PHLDB2: variants seen among roughly 807,000 people sequenced by gnomAD.
PHLDB2 encodes pleckstrin homology like domain family B member 2.
A neutral mutation model predicts 123.6 loss-of-function variants in PHLDB2; 71 were observed. That is an observed-to-expected ratio of 0.57 (90% CI 0.47 to 0.70). The LOEUF is 0.70. Ranked by LOEUF, PHLDB2 falls within the 30% of genes least tolerant of loss-of-function variation. PHLDB2 has a pLI of 0.00. For synonymous variants in PHLDB2, 547 were observed against 541.6 expected (o/e 1.01, Z -0.14); for missense variants, 1,446 against 1,519.5 (o/e 0.95, Z 0.80).
intron 1 of PHLDB2, among the ~76,000 whole-genome samples, chr3:111,860,246 C>CT (rs1217094540): frequency 6.4e-4 from 97 of 151,882 alleles, no homozygotes; most frequent in African/African-American, 2.3e-3. Context: ...TCAGAGAAGA[C>CT]TCCCTCCCCG....
chr3:111,882,963 T>A (rs1500046), intron 1 of PHLDB2, among the ~76,000 whole-genome samples: 69,462 of 151,964 alleles, frequency 0.46, 16,762 homozygotes, highest in East Asian at 0.68. Flanking sequence ...ACAACCACAT[T>A]ATGAAACCAT....
intron 5 of PHLDB2, among the ~76,000 whole-genome samples, chr3:111,926,186 T>A (rs1370469460): frequency 6.6e-6 from 1 of 152,268 alleles, no homozygotes; most frequent in Non-Finnish European, 1.5e-5. Context: ...TGTACCTGAA[T>A]GAAATCTTAA....
At position 111,966,603 on chromosome 3, in the gene PHLDB2, T is replaced by C; in HGVS notation, c.3078-10T>C. On this transcript the variant is annotated splice_polypyrimidine_tract_variant and intron_variant, in intron 13 of 17. Transcript: ENST00000431670. ...CCAATATTCTCAAAAGGCTTTGGTGTTTCATTCAGTGCCAGCACTTCAAAT... is the reference window on the plus strand; with the variant it reads ...CCAATATTCTCAAAAGGCTTTGGTGCTTCATTCAGTGCCAGCACTTCAAAT... The C allele has an allele frequency of 6.2e-7, 1 of 1,607,168 alleles. No individual in the cohort carries two copies. Among genetic ancestry groups the C allele is most frequent in the Non-Finnish European group, 8.5e-7 (1 of 1,175,352 alleles).
intron 2 of PHLDB2, among the ~76,000 whole-genome samples, chr3:111,848,795 A>T (rs1022793395): frequency 6.6e-6 from 1 of 152,206 alleles, no homozygotes; most frequent in African/African-American, 2.4e-5. Context: ...CTGTGTTGAG[A>T]TGTTTAGATA....
At chr3:111,836,254 G>T (rs73855643) in intron 1 of PHLDB2, among the ~76,000 whole-genome samples, 7 of 152,286 alleles carry the variant, frequency 4.6e-5, no homozygotes, top group African/African-American at 1.7e-4. Context: ...TGAGCCAAAC[G>T]GAAGTCAGGA....
intron 16 of PHLDB2, among the ~76,000 whole-genome samples, chr3:111,970,512 A>G (rs955443644): frequency 4.6e-5 from 7 of 152,358 alleles, no homozygotes; most frequent in Admixed American, 3.9e-4. Context: ...CACAGAGAGT[A>G]AAGCTCATTG....
rs546726126 is a variant in PHLDB2, at chr3:111,814,684, A to G, written c.-48-31137A>G. Among the ~76,000 whole-genome samples, 271 of 151,928 alleles carry G rather than the reference A, an allele frequency of 1.8e-3. 1 individual carries two copies. Among genetic ancestry groups the G allele is most frequent in the Non-Finnish European group, 2.9e-3 (195 of 67,958 alleles). ...TTGGCTTATGATTCTAGTGGCTGGA[A>G]AATTTGAGACTGGGCATTTGCATCT... is the stretch of plus-strand genomic sequence containing the variant. On this transcript the variant is annotated intron_variant, in intron 1 of 17. Coordinates refer to the PHLDB2 transcript ENST00000393923.
At chr3:111,905,398 A>G (rs968732942) in intron 2 of PHLDB2, among the ~76,000 whole-genome samples, 17 of 152,106 alleles carry the variant, frequency 1.1e-4, no homozygotes, top group Non-Finnish European at 1.9e-4. Context: ...TCATTGTCAC[A>G]CAGGCTGGAG....
At chr3:111,943,748 G>A (rs927090357) in intron 8 of PHLDB2, among the ~76,000 whole-genome samples, 1 of 152,116 alleles carries the variant, frequency 6.6e-6, no homozygotes, top group African/African-American at 2.4e-5. Context: ...ATGTTGACAA[G>A]AATATGAAGC....
At position 111,885,364 on chromosome 3, in the gene PHLDB2, C is replaced by T. The variant is rs1235602858; in HGVS notation, c.1287C>T (p.His429=). 6.2e-7 allele frequency: 1 copy of T among 1,614,148 alleles called. No individual in the cohort carries two copies. The highest frequency in any genetic ancestry group is 1.7e-5 in the Admixed American group (1 of 60,022). The change falls in exon 2 of 18, where the codon CAC becomes CAT. Residue 429 remains histidine (H), a synonymous_variant. Transcript: ENST00000431670. ...ISGRDDLMDY[H]RRQREERLRE... is the part of the protein sequence containing the mutation. ...GACGTGATGACCTGATGGATTATCA[C>T]CGGCGGCAGAGGGAGGAAAGACTCA...
chr3:111,959,514 A>G (rs1354539409), intron 12 of PHLDB2, among the ~76,000 whole-genome samples: 5 of 152,230 alleles, frequency 3.3e-5, no homozygotes, highest in Admixed American at 2.0e-4. Flanking sequence ...TGCTTATCCT[A>G]CCACCAGAAT....
chr3:111,896,652 G>A (rs2066890015), intron 2 of PHLDB2, among the ~76,000 whole-genome samples: 1 of 151,926 alleles, frequency 6.6e-6, no homozygotes, highest in South Asian at 2.1e-4. Context: ...CGTCCAGGCT[G>A]CGCTGGCTAA....
Position 111,929,296 on chromosome 3 carries a change from A to G in PHLDB2, c.2002-2973A>G, listed in dbSNP as rs906509073. On this transcript the variant is annotated intron_variant, in intron 5 of 17. Transcript: ENST00000431670. ...TTTTTTTAATTCATTTTTTTTCCTGAAAGTACATTTATGAATATTTTTTAA... is the reference window on the plus strand; with the variant it reads ...TTTTTTTAATTCATTTTTTTTCCTGGAAGTACATTTATGAATATTTTTTAA... Among the ~76,000 whole-genome samples, 6 of 152,198 alleles carry G rather than the reference A, an allele frequency of 3.9e-5. No homozygotes were observed. In the East Asian group the frequency reaches 1.2e-3, roughly 29 times the overall value.
At chr3:111,935,829 GC>G (rs1476986477) in intron 6 of PHLDB2, among the ~76,000 whole-genome samples, 1 of 152,120 alleles carries the variant, frequency 6.6e-6, no homozygotes, top group African/African-American at 2.4e-5. Context: ...GGGTGGGTCT[GC>G]CTTTCCCAGC....
chr3:111,942,649 A>T (rs914802722), intron 8 of PHLDB2, among the ~76,000 whole-genome samples: 1 of 152,150 alleles, frequency 6.6e-6, no homozygotes, highest in Non-Finnish European at 1.5e-5. Flanking sequence ...CCTCCCAAGC[A>T]TAGTGACTAA....
intron 1 of PHLDB2, among the ~76,000 whole-genome samples, chr3:111,834,354 A>G (rs1559858576): frequency 7.1e-6 from 1 of 141,398 alleles, no homozygotes; most frequent in East Asian, 2.1e-4. Flanking sequence ...TATATATCAG[A>G]TGACTATATA....
chr3:111,948,224 T>G (rs774744), intron 9 of PHLDB2, among the ~76,000 whole-genome samples: 44,466 of 151,866 alleles, frequency 0.29, 6,912 homozygotes, highest in African/African-American at 0.36. Context: ...CATACCCTGG[T>G]TGCAACTCTA....
intron 16 of PHLDB2, among the ~76,000 whole-genome samples, chr3:111,972,555 T>G (rs12489716): frequency 0.38 from 57,329 of 148,910 alleles, 11,819 homozygotes; most frequent in East Asian, 0.56. Flanking sequence ...AAATATTTCA[T>G]ATTTTCTCTA....
chr3:111,872,204 A>G (rs1576955081), intron 1 of PHLDB2, among the ~76,000 whole-genome samples: 2 of 152,256 alleles, frequency 1.3e-5, no homozygotes, highest in Admixed American at 6.5e-5. Context: ...GTAATAAGGC[A>G]TGTAGCCATT....
Sources: gnomAD v4.1 joint callset for allele counts (sites outside exome capture counted in the v4.1 genomes callset) on GRCh38, gnomAD v4.1.1 for gene constraint, MANE v1.5 for transcripts, NCBI Gene and HGNC (gene_info 2026-07-23, HGNC 2026-07-21) for gene names.